The following GALNTL6 variants were observed in gnomAD, a reference collection of about 807,000 sequenced individuals.
The protein encoded by GALNTL6 is polypeptide N-acetylgalactosaminyltransferase like 6.
GALNTL6 carries 46 observed loss-of-function variants against 73.7 expected under a neutral mutation model. That is an observed-to-expected ratio of 0.62 (90% CI 0.49 to 0.80). The LOEUF is 0.80. Ranked by LOEUF, GALNTL6 falls within the 30% of genes least tolerant of loss-of-function variation. The pLI is 0.00. For missense variants in GALNTL6, 604 were observed against 755.0 expected, an observed-to-expected ratio of 0.80 and a Z score of 2.34; for synonymous variants, 259 against 263.7, an observed-to-expected ratio of 0.98 and a Z score of 0.17.
intron 2 of GALNTL6, among the ~76,000 whole-genome samples, chr4:171,954,412 C>T (rs982870268): frequency 6.6e-6 from 1 of 152,088 alleles, no homozygotes; most frequent in African/African-American, 2.4e-5. Context: ...ATACAATGAA[C>T]AATTATGTAG....
chr4:172,959,821 C>G (rs919402930), intron 10 of GALNTL6, among the ~76,000 whole-genome samples: 2 of 152,180 alleles, frequency 1.3e-5, no homozygotes, highest in Non-Finnish European at 2.9e-5. Flanking sequence ...GGCCAGATAT[C>G]CAGCACTTGT....
At chr4:172,290,313 A>T (rs1422254691) in intron 3 of GALNTL6, among the ~76,000 whole-genome samples, 1 of 152,216 alleles carries the variant, frequency 6.6e-6, no homozygotes, top group Non-Finnish European at 1.5e-5. Flanking sequence ...TATTTGCTCT[A>T]TCTGCATAGA....
At chr4:172,331,258 T>C (rs533412906) in intron 4 of GALNTL6, among the ~76,000 whole-genome samples, 109 of 142,646 alleles carry the variant, frequency 7.6e-4, no homozygotes, top group African/African-American at 2.3e-3. Flanking sequence ...CAACATCTTG[T>C]AAAAAAAAAA....
At chr4:172,573,656 C>A (rs1736850721) in intron 5 of GALNTL6, among the ~76,000 whole-genome samples, 1 of 152,140 alleles carries the variant, frequency 6.6e-6, no homozygotes, top group Non-Finnish European at 1.5e-5. Context: ...AAAAGGGTTT[C>A]TCAGATAAAG....
At chr4:172,775,558 G>T (rs568158753) in intron 5 of GALNTL6, among the ~76,000 whole-genome samples, 11 of 152,124 alleles carry the variant, frequency 7.2e-5, no homozygotes, top group Non-Finnish European at 1.5e-4. Context: ...ATATCCATCT[G>T]GGAACCAAGG....
intron 5 of GALNTL6, among the ~76,000 whole-genome samples, chr4:172,742,606 C>T (rs776288938): frequency 3.3e-5 from 5 of 151,920 alleles, no homozygotes; most frequent in Admixed American, 6.6e-5. Flanking sequence ...TGAGAAGGGC[C>T]GCTACCATGA....
At chr4:172,632,324 TGGAACGTCCTA>T (rs1739433045) in intron 5 of GALNTL6, among the ~76,000 whole-genome samples, 1 of 152,182 alleles carries the variant, frequency 6.6e-6, no homozygotes, top group South Asian at 2.1e-4. Flanking sequence ...TGGGAAAGTT[TGGAACGTCCTA>T]GAGACTTTTT....
chr4:172,262,828 T>C (rs1738304993), intron 3 of GALNTL6, among the ~76,000 whole-genome samples: 1 of 151,642 alleles, frequency 6.6e-6, no homozygotes, highest in South Asian at 2.1e-4. Context: ...TGGCAAATTT[T>C]CTCAGCATTT....
intron 7 of GALNTL6, among the ~76,000 whole-genome samples, chr4:172,829,667 G>A (rs182928002): frequency 3.9e-5 from 6 of 152,286 alleles, no homozygotes; most frequent in Non-Finnish European, 5.9e-5. Context: ...AAAACAAAAT[G>A]CAGTAGACAT....
chr4:171,905,750 T>A (rs1737255812), intron 2 of GALNTL6, among the ~76,000 whole-genome samples: 1 of 150,690 alleles, frequency 6.6e-6, no homozygotes, highest in Admixed American at 6.6e-5. Flanking sequence ...GAAGTAAAGC[T>A]CTCCTCAGCA....
chr4:171,924,195 C>CACACACACACACACACACACAA (rs1560843291), intron 2 of GALNTL6, among the ~76,000 whole-genome samples: 1 of 150,128 alleles, frequency 6.7e-6, no homozygotes, highest in Non-Finnish European at 1.5e-5. Flanking sequence ...CACACACACA[C>CACACACACACACACACACACAA]ACACACACAC....
chr4:172,207,476 T>C (rs945435895), intron 2 of GALNTL6, among the ~76,000 whole-genome samples: 2 of 152,182 alleles, frequency 1.3e-5, no homozygotes, highest in Non-Finnish European at 2.9e-5. Context: ...TCAAAAGTTA[T>C]GTTTTGACAC....
At chr4:172,291,100 C>G (rs1739456967) in intron 3 of GALNTL6, among the ~76,000 whole-genome samples, 1 of 152,020 alleles carries the variant, frequency 6.6e-6, no homozygotes, top group Admixed American at 6.5e-5. Flanking sequence ...ATTCAAAAAA[C>G]AAACCTGTGA....
intron 8 of GALNTL6, among the ~76,000 whole-genome samples, chr4:172,926,446 G>C (rs1748064923): frequency 6.6e-6 from 1 of 152,170 alleles, no homozygotes; most frequent in Non-Finnish European, 1.5e-5. Context: ...GATGCATTTA[G>C]TTCACTTCTG....
At chr4:172,194,140 A>G (rs1203607677) in intron 2 of GALNTL6, among the ~76,000 whole-genome samples, 1 of 152,232 alleles carries the variant, frequency 6.6e-6, no homozygotes, top group Non-Finnish European at 1.5e-5. Context: ...AGAGAGGAAC[A>G]TAAATGACCT....
At chr4:172,972,680 G>T (rs1311141571) in intron 10 of GALNTL6, among the ~76,000 whole-genome samples, 1 of 150,974 alleles carries the variant, frequency 6.6e-6, no homozygotes, top group African/African-American at 2.5e-5. Context: ...GGCTGAGATA[G>T]TTTGTTACTC....
At chr4:172,297,138 G>T (rs1203118279) in intron 3 of GALNTL6, among the ~76,000 whole-genome samples, 1 of 152,084 alleles carries the variant, frequency 6.6e-6, no homozygotes, top group Non-Finnish European at 1.5e-5. Context: ...TCATGTCTCT[G>T]TTGGCTGCAT....
intron 2 of GALNTL6, among the ~76,000 whole-genome samples, chr4:172,058,932 A>T (rs1374166692): frequency 6.6e-6 from 1 of 152,166 alleles, no homozygotes; most frequent in Non-Finnish European, 1.5e-5. Context: ...CATCCCAGCC[A>T]CTAAAATAAT....
chr4:171,963,838 A>T (rs919191476), intron 2 of GALNTL6, among the ~76,000 whole-genome samples: 4 of 152,216 alleles, frequency 2.6e-5, no homozygotes, highest in African/African-American at 9.6e-5. Flanking sequence ...TGGGTTTCTT[A>T]TATTTCTGCA....
Sources: gnomAD v4.1 joint callset for allele counts (sites outside exome capture counted in the v4.1 genomes callset) on GRCh38, gnomAD v4.1.1 for gene constraint, MANE v1.5 for transcripts, NCBI Gene and HGNC (gene_info 2026-07-23, HGNC 2026-07-21) for gene names.